Variants in NEK7 observed in about 807,000 individuals in gnomAD.
NEK7 encodes NIMA related kinase 7.
In NEK7, 18 loss-of-function variants were observed where a neutral mutation model predicts 44.6. That is an observed-to-expected ratio of 0.40 (90% CI 0.28 to 0.60). NEK7 has a LOEUF of 0.60. NEK7 is among the 20% of genes least tolerant of loss of function. NEK7 has a pLI of 0.38. For synonymous variants in NEK7, 130 were observed against 121.1 expected, an observed-to-expected ratio of 1.07 and a Z score of -0.48; for missense variants, 256 against 366.5, an observed-to-expected ratio of 0.70 and a Z score of 2.46.
At chr1:198,278,564 A>G (rs1021772022) in intron 6 of NEK7, among the ~76,000 whole-genome samples, 24 of 151,858 alleles carry the variant, frequency 1.6e-4, no homozygotes, top group African/African-American at 5.3e-4. Context: ...TGTGCCTTAT[A>G]GTGTTGTCGT....
chr1:198,198,906 T>C (rs977844331), intron 1 of NEK7, among the ~76,000 whole-genome samples: 1 of 152,254 alleles, frequency 6.6e-6, no homozygotes, highest in Non-Finnish European at 1.5e-5. Context: ...TTTCCTTCAG[T>C]TGGTATCCTG....
At chr1:198,293,104 A>C (rs1654609876) in intron 8 of NEK7, 65 bp downstream of exon 8, 1 of 855,422 alleles carries the variant, frequency 1.2e-6, no homozygotes, top group South Asian at 1.5e-5. Context: ...CTCTATCCTT[A>C]TAGTATATAC....
chr1:198,166,333 A>G (rs2102707483), intron 1 of NEK7, among the ~76,000 whole-genome samples: 1 of 152,324 alleles, frequency 6.6e-6, no homozygotes, highest in African/African-American at 2.4e-5. Flanking sequence ...ATAATGTACC[A>G]TTTTGGACTA....
Position 198,161,314 on chromosome 1 carries a change from C to T in NEK7, c.-29+4038C>T, listed in dbSNP as rs12092709. On this transcript the variant is annotated intron_variant, in intron 1 of 9. Coordinates refer to ENST00000367385, the MANE Select transcript of NEK7 (RefSeq NM_133494.3). ...TTCACAATTTTTTTCTCTGAAGGAT[C>T]ACATGGTAAATATTTCTGGCTTTGT... 5.7e-3 allele frequency among the ~76,000 whole-genome samples: 862 copies of T among 152,228 alleles called. 14 individuals are homozygous for T. The highest frequency in any genetic ancestry group is 0.02 in the African/African-American group (838 of 41,522).
At chr1:198,252,627 GTA>G (rs1653094524) in intron 2 of NEK7, among the ~76,000 whole-genome samples, 1 of 91,158 alleles carries the variant, frequency 1.1e-5, no homozygotes, top group African/African-American at 6.4e-5. Flanking sequence ...ACATGTATAT[GTA>G]TGTTTTATAT....
intron 1 of NEK7, among the ~76,000 whole-genome samples, chr1:198,231,238 G>A (rs1032523306): frequency 6.8e-6 from 1 of 147,588 alleles, no homozygotes; most frequent in African/African-American, 2.5e-5. Flanking sequence ...TAAATAGCCA[G>A]TGCAACAGCA....
intron 5 of NEK7, among the ~76,000 whole-genome samples, chr1:198,269,043 A>G (rs1653750286): frequency 6.6e-6 from 1 of 152,010 alleles, no homozygotes; most frequent in Non-Finnish European, 1.5e-5. Context: ...CCTACATAGC[A>G]CTTAGTAATA....
Position 198,278,074 on chromosome 1 carries a change from G to C in NEK7, c.481+5G>C, listed in dbSNP as rs1462806971. The C allele has an allele frequency of 1.4e-6, 2 of 1,433,480 alleles. No homozygotes were observed. 88.8% of individuals were successfully genotyped at this position (1,433,480 alleles called of 1,614,324 possible). On this transcript the variant is annotated splice_donor_5th_base_variant and intron_variant, in intron 6 of 9. Coordinates refer to ENST00000367385, the MANE Select transcript of NEK7 (RefSeq NM_133494.3). ...CTCGAAGAGTCATGCATAGAGGTAA[G>C]ATAAAATCATTAAGTACTTTTAATC...
intron 9 of NEK7, among the ~76,000 whole-genome samples, chr1:198,314,978 G>C (rs1164708561): frequency 1.3e-5 from 2 of 152,214 alleles, no homozygotes; most frequent in Non-Finnish European, 2.9e-5. Flanking sequence ...GTGCTTCCCG[G>C]CTGCTTTGTT....
At position 198,280,075 on chromosome 1, in the gene NEK7, C is replaced by T. The variant is rs540798016; in HGVS notation, c.589+1014C>T. ...TGATGCTGAATAACATAGTTTTTTTCTCCTTTCACTTCACATTTATTTTCA... is the reference window on the plus strand; with the variant it reads ...TGATGCTGAATAACATAGTTTTTTTTTCCTTTCACTTCACATTTATTTTCA... On this transcript the variant is annotated intron_variant, in intron 7 of 9. Transcript: ENST00000367385. 2.6e-3 allele frequency among the ~76,000 whole-genome samples: 399 copies of T among 151,942 alleles called. 2 individuals are homozygous for T. The highest frequency in any genetic ancestry group is 0.014 in the Middle Eastern group (4 of 294).
intron 5 of NEK7, 178 bp from the exon 6 acceptor site, chr1:198,277,783 C>A: frequency 1.9e-6 from 1 of 537,094 alleles, no homozygotes; most frequent in Non-Finnish European, 3.3e-6. Context: ...AGGAAAAAAA[C>A]TTAAGCCATT....
intron 1 of NEK7, among the ~76,000 whole-genome samples, chr1:198,164,808 T>C (rs1664217756): frequency 6.6e-6 from 1 of 152,192 alleles, no homozygotes. Context: ...GCCACATCAA[T>C]TGACTCTTTC....
intron 8 of NEK7, among the ~76,000 whole-genome samples, chr1:198,295,942 GTACTTCTA>G (rs1237619635): frequency 6.6e-6 from 1 of 151,850 alleles, no homozygotes; most frequent in Non-Finnish European, 1.5e-5. Context: ...TCTTCCTAAG[GTACTTCTA>G]TATAGTTGTG....
intron 3 of NEK7, among the ~76,000 whole-genome samples, chr1:198,260,991 T>C (rs1372857798): frequency 6.6e-6 from 1 of 152,090 alleles, no homozygotes; most frequent in Admixed American, 6.6e-5. Context: ...GAACTTTGTG[T>C]ATCTTTGGAT....
At chr1:198,269,476 G>C (rs1374199376) in intron 5 of NEK7, among the ~76,000 whole-genome samples, 1 of 152,014 alleles carries the variant, frequency 6.6e-6, no homozygotes, top group Admixed American at 6.6e-5. Flanking sequence ...AAAATCATAG[G>C]AACTTCTTTT....
intron 1 of NEK7, among the ~76,000 whole-genome samples, chr1:198,170,756 G>A (rs1664411941): frequency 6.6e-6 from 1 of 152,156 alleles, no homozygotes; most frequent in Non-Finnish European, 1.5e-5. Context: ...CTTGTGAAGT[G>A]ATTGTGAAGT....
intron 1 of NEK7, among the ~76,000 whole-genome samples, chr1:198,210,775 C>T (rs549075787): frequency 2.4e-5 from 2 of 82,226 alleles, no homozygotes; most frequent in East Asian, 8.6e-4. Context: ...TTTTTTGAGA[C>T]GGAGTCTCGC....
chr1:198,293,191 G>T, intron 8 of NEK7, 152 bp downstream of exon 8: 1 of 499,126 alleles, frequency 2.0e-6, no homozygotes, highest in Non-Finnish European at 3.5e-6. Flanking sequence ...TTTGTATAAT[G>T]GAATTTAATA....
chr1:198,309,991 T>A (rs1295928721), intron 9 of NEK7, among the ~76,000 whole-genome samples: 1 of 151,798 alleles, frequency 6.6e-6, no homozygotes, highest in Non-Finnish European at 1.5e-5. Context: ...ATGGTATTTC[T>A]AGTTCTAGAT....
Sources: gnomAD v4.1 joint callset for allele counts (sites outside exome capture counted in the v4.1 genomes callset) on GRCh38, gnomAD v4.1.1 for gene constraint, MANE v1.5 for transcripts, NCBI Gene and HGNC (gene_info 2026-07-23, HGNC 2026-07-21) for gene names.